The following KIRREL3 variants were observed in gnomAD, a reference collection of about 807,000 sequenced individuals.
KIRREL3 encodes the protein kin of IRRE-like protein 3.
In KIRREL3, 36 loss-of-function variants were observed where a neutral mutation model predicts 89.7. The observed-to-expected ratio is 0.40, with a 90% CI of 0.31 to 0.53. KIRREL3 has a LOEUF of 0.53. Among genes scored for constraint, KIRREL3 ranks in the 20% least tolerant of loss-of-function variants. The probability of loss-of-function intolerance (pLI) is 0.49; values close to 1 mark genes in which losing one functional copy is unlikely to be tolerated. For missense variants in KIRREL3, 864 were observed against 1,056.6 expected, an observed-to-expected ratio of 0.82 and a Z score of 2.53; for synonymous variants, 445 against 441.4, an observed-to-expected ratio of 1.01 and a Z score of -0.10.
At chr11:126,818,217 T>C (rs10750342) in intron 1 of KIRREL3, among the ~76,000 whole-genome samples, 131,401 of 152,180 alleles carry the variant, frequency 0.86, 57,088 homozygotes, top group East Asian at 1. Flanking sequence ...TTTTCACAGC[T>C]GGGGAAAGGA....
chr11:126,425,239 C>T (rs1954896083), intron 16 of KIRREL3, among the ~76,000 whole-genome samples: 1 of 152,082 alleles, frequency 6.6e-6, no homozygotes, highest in Admixed American at 6.6e-5. Flanking sequence ...AGGGGGACTG[C>T]GGACCCCAGG....
At chr11:126,511,019 T>C (rs1034733934) in intron 4 of KIRREL3, among the ~76,000 whole-genome samples, 1 of 151,386 alleles carries the variant, frequency 6.6e-6, no homozygotes, top group African/African-American at 2.4e-5. Flanking sequence ...CAAGGGCCAG[T>C]GGCTGGGCTC....
rs1174182751 is a variant in KIRREL3, at chr11:126,528,253, G to C, written c.134-1566C>G. On this transcript the variant is annotated intron_variant, in intron 2 of 16. Coordinates refer to ENST00000525144, the MANE Select transcript of KIRREL3 (RefSeq NM_032531.4). The surrounding 1 kb of genome is among the most constrained non-coding windows in gnomAD (Gnocchi z 4.6). The stretch of plus-strand genomic sequence containing the variant: ...CCTCCCCAACCCGGGAGAGTCAGGG[G>C]CAGCCACAGACGTCCTGGACACTGG... Among the ~76,000 whole-genome samples the C allele has an allele frequency of 6.6e-6, 1 of 152,236 alleles. No homozygotes were observed. The highest frequency in any genetic ancestry group is 1.5e-5 in the Non-Finnish European group (1 of 68,042).
chr11:126,456,190 G>A (rs913499131), intron 7 of KIRREL3, among the ~76,000 whole-genome samples, 159 bp downstream of exon 7: 1 of 151,798 alleles, frequency 6.6e-6, no homozygotes, highest in Admixed American at 6.6e-5. Context: ...CGGCTAGCAG[G>A]CAGGCGGGTT....
intron 2 of KIRREL3, among the ~76,000 whole-genome samples, chr11:126,534,230 G>A (rs1959030784): frequency 7.1e-6 from 1 of 140,650 alleles, no homozygotes; most frequent in Admixed American, 7.7e-5. Context: ...GTGGGAGAAT[G>A]TTCCCCCAGG....
chr11:126,839,085 C>A (rs536353295), intron 1 of KIRREL3, among the ~76,000 whole-genome samples: 18 of 152,292 alleles, frequency 1.2e-4, no homozygotes, highest in African/African-American at 4.1e-4. Flanking sequence ...CTCTAGCCAG[C>A]GATGAGCCAT....
At chr11:126,840,881 CA>C (rs1447886784) in intron 1 of KIRREL3, among the ~76,000 whole-genome samples, 1 of 152,050 alleles carries the variant, frequency 6.6e-6, no homozygotes, top group Non-Finnish European at 1.5e-5. Context: ...TTGGAGATGC[CA>C]AAAAGAAGCT....
intron 1 of KIRREL3, among the ~76,000 whole-genome samples, chr11:126,992,287 T>C (rs1950054633): frequency 6.6e-6 from 1 of 152,240 alleles, no homozygotes; most frequent in Non-Finnish European, 1.5e-5. Flanking sequence ...GTCTACTCTC[T>C]AACCCATTTC....
Position 126,459,314 on chromosome 11 carries a change from C to T in KIRREL3, c.743-2860G>A, listed in dbSNP as rs1956472802. On this transcript the variant is annotated intron_variant, in intron 6 of 16. Coordinates refer to ENST00000525144, the MANE Select transcript of KIRREL3 (RefSeq NM_032531.4). The surrounding 1 kb of genome is among the most constrained non-coding windows in gnomAD (Gnocchi z 4.8). ...CACCTGTTGTAGGACCTTCCTGCTG[C>T]CCGATGCCTCATCACGCCCCTGCCA... Among the ~76,000 whole-genome samples the T allele has an allele frequency of 6.6e-6, 1 of 152,152 alleles. No homozygotes were observed. The highest frequency in any genetic ancestry group is 1.5e-5 in the Non-Finnish European group (1 of 68,026).
In KIRREL3 at chr11:126,768,243, C is replaced by A. The variant is rs1413931424; in HGVS notation, c.56-205331G>T. Among the ~76,000 whole-genome samples the A allele has an allele frequency of 6.6e-6, 1 of 151,080 alleles. No homozygotes were observed. Among genetic ancestry groups the A allele is most frequent in the Non-Finnish European group, 1.5e-5 (1 of 67,868 alleles). On this transcript the variant is annotated intron_variant, in intron 1 of 16. Transcript: ENST00000525144. This position sits in a 1 kb window ranked among gnomAD's most constrained non-coding sequence, Gnocchi z 4.5. Reference sequence around the variant, plus strand: ...CATCCATTCAATCTGTCCATCTGTCCATCCATACATGCATCCACCCATCCA... The same window carrying A: ...CATCCATTCAATCTGTCCATCTGTCAATCCATACATGCATCCACCCATCCA...
rs1222780483 is a variant in KIRREL3, at chr11:126,685,845, ACCCACTGGATCGG to A, written c.56-122946_56-122934del. Among the ~76,000 whole-genome samples the A allele has an allele frequency of 1.3e-5, 2 of 151,640 alleles. No homozygotes were observed. Among genetic ancestry groups the A allele is most frequent in the African/African-American group, 4.8e-5 (2 of 41,248 alleles). Reference sequence around the variant, plus strand: ...CACGCCCCTTGGGGGCAGATGGCCGACCCACTGGATCGGGGCCACTGGAGACTTTTTCCCTCAT... The same window carrying A: ...CACGCCCCTTGGGGGCAGATGGCCGAGGCCACTGGAGACTTTTTCCCTCAT... On this transcript the variant is annotated intron_variant, in intron 1 of 16. Coordinates refer to ENST00000525144, the MANE Select transcript of KIRREL3 (RefSeq NM_032531.4). The surrounding 1 kb of genome is among the most constrained non-coding windows in gnomAD (Gnocchi z 5.5).
chr11:126,595,048 C>T (rs1942330744), intron 1 of KIRREL3, among the ~76,000 whole-genome samples: 2 of 152,370 alleles, frequency 1.3e-5, no homozygotes, highest in South Asian at 4.1e-4. Flanking sequence ...GCTCCCCCAG[C>T]TGCCGTGGCA....
In KIRREL3 at chr11:126,990,510, C is replaced by G. The variant is rs1198514510; in HGVS notation, c.55+9945G>C. On this transcript the variant is annotated intron_variant, in intron 1 of 16. Transcript: ENST00000525144. This position sits in a 1 kb window ranked among gnomAD's most constrained non-coding sequence, Gnocchi z 6.3. ...GTCCTAAGGGACCTCCCGGGCTCTG[C>G]TCTCTCTGGGCAGGTTCAGGGCTTT... Among the ~76,000 whole-genome samples, 2 of 152,002 alleles carry G rather than the reference C, an allele frequency of 1.3e-5. No individual in the cohort carries two copies. The highest frequency in any genetic ancestry group is 2.9e-5 in the Non-Finnish European group (2 of 68,010).
chr11:126,709,830 C>T lies in KIRREL3; in HGVS notation c.56-146918G>A, dbSNP rs1051007474. 6.6e-6 allele frequency among the ~76,000 whole-genome samples: 1 copy of T among 152,168 alleles called. No individual in the cohort carries two copies. Among genetic ancestry groups the T allele is most frequent in the Admixed American group, 6.5e-5 (1 of 15,278 alleles). ...TTACAGCAGCCCAGGGAAACTAATA[C>T]AGGAGGCCGGGCAGGCATTGTCCAA... On this transcript the variant is annotated intron_variant, in intron 1 of 16. Coordinates refer to ENST00000525144, the MANE Select transcript of KIRREL3 (RefSeq NM_032531.4). This position sits in a 1 kb window ranked among gnomAD's most constrained non-coding sequence, Gnocchi z 4.0.
Position 126,446,285 on chromosome 11 carries a change from C to CT in KIRREL3, c.1125+473_1125+474insA, listed in dbSNP as rs111774154. ...CTTTCTCTCTCTTTCTTTTCTTTCT[C>CT]CTTTCTTTCTTTCTTTCTCTCTCTC... On this transcript the variant is annotated intron_variant, in intron 9 of 16. Coordinates refer to ENST00000525144, the MANE Select transcript of KIRREL3 (RefSeq NM_032531.4). Among the ~76,000 whole-genome samples the CT allele has an allele frequency of 5.7e-3, 817 of 143,366 alleles. 9 individuals are homozygous for CT. Among genetic ancestry groups the CT allele is most frequent in the Non-Finnish European group, 8.9e-3 (582 of 65,644 alleles). The allele number at this position is 143,366 out of a possible 152,430, so 94.1% of individuals were successfully genotyped here. A position where few individuals can be genotyped will look rare whatever the true frequency, so the allele number is the denominator to read the frequency against.
At chr11:126,957,814 A>G (rs1243429295) in intron 1 of KIRREL3, among the ~76,000 whole-genome samples, 4 of 152,206 alleles carry the variant, frequency 2.6e-5, no homozygotes, top group Non-Finnish European at 5.9e-5. Flanking sequence ...ACAGAACTAG[A>G]TGTCTGAAGA....
Position 126,477,493 on chromosome 11 carries a change from C to T in KIRREL3, c.434-4027G>A, listed in dbSNP as rs1957098421. Among the ~76,000 whole-genome samples, 1 of 152,194 alleles carries T rather than the reference C, an allele frequency of 6.6e-6. No individual in the cohort carries two copies. The highest frequency in any genetic ancestry group is 1.5e-5 in the Non-Finnish European group (1 of 68,028). ...GCACAAGAGGCTGACCCAAAGTTAC[C>T]AGTGACGAGAGCAAAGAAGGGTGAG... On this transcript the variant is annotated intron_variant, in intron 4 of 16. Coordinates refer to ENST00000525144, the MANE Select transcript of KIRREL3 (RefSeq NM_032531.4). This position sits in a 1 kb window ranked among gnomAD's most constrained non-coding sequence, Gnocchi z 4.8.
At chr11:126,935,003 C>T (rs1389514077) in intron 1 of KIRREL3, 1 of 148,988 alleles carries the variant, frequency 6.7e-6, no homozygotes, top group Non-Finnish European at 1.5e-5. Context: ...GCCGGGGTGA[C>T]ACCACTGCAC....
At chr11:126,690,092 C>T (rs1255694569) in intron 1 of KIRREL3, among the ~76,000 whole-genome samples, 1 of 152,148 alleles carries the variant, frequency 6.6e-6, no homozygotes, top group East Asian at 1.9e-4. Context: ...AGATGTTTTC[C>T]CAGCGTCAGT....
Sources: allele counts gnomAD v4.1 joint callset (sites outside exome capture counted in the v4.1 genomes callset), GRCh38; gene constraint gnomAD v4.1.1; non-coding constraint Gnocchi (gnomAD v3.1); transcripts MANE v1.5; gene names NCBI Gene and HGNC (gene_info 2026-07-23, HGNC 2026-07-21).